CTSH: variants seen among roughly 807,000 people sequenced by gnomAD.
CTSH encodes the protein pro-cathepsin H.
A neutral mutation model predicts 56.3 loss-of-function variants in CTSH; 52 were observed. The ratio of observed to expected loss-of-function variants is 0.92; its 90% confidence interval spans 0.74 to 1.16. CTSH has a LOEUF of 1.16. CTSH is among the 50% of genes most tolerant of loss of function. The probability of loss-of-function intolerance (pLI) is 0.00; values close to 1 mark genes in which losing one functional copy is unlikely to be tolerated. For synonymous variants in CTSH, 174 were observed against 155.7 expected, an observed-to-expected ratio of 1.12 and a Z score of -0.88; for missense variants, 406 against 424.5, an observed-to-expected ratio of 0.96 and a Z score of 0.38.
At chr15:78,943,970 G>A (rs1048591598) in intron 1 of CTSH, among the ~76,000 whole-genome samples, 12 of 152,222 alleles carry the variant, frequency 7.9e-5, no homozygotes, top group Non-Finnish European at 4.4e-5. Flanking sequence ...AAGGAATGAG[G>A]CAACCCTCTG....
At chr15:78,938,270 G>A (rs573561797) in intron 2 of CTSH, among the ~76,000 whole-genome samples, 3 of 152,222 alleles carry the variant, frequency 2.0e-5, no homozygotes, top group East Asian at 1.9e-4. Flanking sequence ...TCAGGAGGCT[G>A]AGGCATGAGA....
At position 78,936,054 on chromosome 15, in the gene CTSH, G is replaced by A. The variant is rs79479542; in HGVS notation, c.230-304C>T. Among the ~76,000 whole-genome samples, 333 of 152,196 alleles carry A rather than the reference G, an allele frequency of 2.2e-3. 10 individuals are homozygous for A. In the East Asian group the frequency reaches 0.061, roughly 28 times the overall value. Reference sequence around the variant, plus strand: ...ACTTTTTTAGATACTCCCCTCGTGAGTCTGATGGATAGCTAGGTAAAGAAC... The same window carrying A: ...ACTTTTTTAGATACTCCCCTCGTGAATCTGATGGATAGCTAGGTAAAGAAC... On this transcript the variant is annotated intron_variant, in intron 3 of 11. Transcript: ENST00000220166.
Position 78,934,990 on chromosome 15 carries a change from A to T in CTSH, c.393T>A (p.Pro131=). The T allele has an allele frequency of 6.2e-7, 1 of 1,612,158 alleles. No individual in the cohort carries two copies. Residue 131 remains proline (P), a synonymous_variant, in exon 5 of 12, where the codon CCT becomes CCA. Transcript: ENST00000220166. ...TTGCCAGGCATACCTGATTTTTCACAGGTGAGACAAAATTTCCTTTTTTCC... is the reference window on the plus strand; with the variant it reads ...TTGCCAGGCATACCTGATTTTTCACTGGTGAGACAAAATTTCCTTTTTTCC... The part of the protein sequence containing the change: ...DWRKKGNFVS[P]VKNQGACGSC...
intron 5 of CTSH, chr15:78,933,668 G>A (rs888946003): frequency 6.6e-5 from 22 of 334,960 alleles, no homozygotes; most frequent in Non-Finnish European, 1.2e-4. Context: ...GAGCTCGGCT[G>A]ACCCTTGGGT....
At chr15:78,924,852 C>CT (rs10689092) in intron 10 of CTSH, among the ~76,000 whole-genome samples, 14,692 of 135,698 alleles carry the variant, frequency 0.11, 895 homozygotes, top group South Asian at 0.13. Context: ...ACCACGCTGG[C>CT]TTTTTTTTTT....
chr15:78,928,580 AAAAAAAAAAG>A (rs1416250048), intron 8 of CTSH, among the ~76,000 whole-genome samples: 4 of 150,160 alleles, frequency 2.7e-5, no homozygotes, highest in Non-Finnish European at 3.0e-5. Flanking sequence ...AAAAAAAAAA[AAAAAAAAAAG>A]AAGGGAGAGT....
intron 3 of CTSH, 41 bp from the exon 4 acceptor site, chr15:78,935,791 T>C (rs2055162149): frequency 6.9e-7 from 1 of 1,447,970 alleles, no homozygotes; most frequent in Non-Finnish European, 9.7e-7. Context: ...AAATGGTTAG[T>C]GAATCACTAA....
Position 78,938,368 on chromosome 15 carries a change from CA to C in CTSH, c.123+771del, listed in dbSNP as rs34359724. 2.6e-3 allele frequency among the ~76,000 whole-genome samples: 382 copies of C among 144,460 alleles called. 3 individuals carry two copies. The highest frequency in any genetic ancestry group is 6.7e-3 in the African/African-American group (265 of 39,630). The allele number at this position is 144,460 out of a possible 152,430, so 94.8% of individuals were successfully genotyped here. A position where few individuals can be genotyped will look rare whatever the true frequency, so the allele number is the denominator to read the frequency against. ...TGGGTGACAAAGTGAGACTCTGTCTCAAAAAAAAAAAAATATTTTGTACTCA... is the reference window on the plus strand; with the variant it reads ...TGGGTGACAAAGTGAGACTCTGTCTCAAAAAAAAAAAATATTTTGTACTCA... On this transcript the variant is annotated intron_variant, in intron 2 of 11. Transcript: ENST00000220166.
chr15:78,931,311 C>T (rs1414937806), intron 7 of CTSH, 140 bp downstream of exon 7: 5 of 1,053,700 alleles, frequency 4.7e-6, no homozygotes, highest in Non-Finnish European at 7.2e-6. Flanking sequence ...GGTGACCACC[C>T]CTGTACAACA....
rs1406363845 is a variant in CTSH, at chr15:78,939,187, A to AG, written c.92-17_92-16insC. 3.8e-6 allele frequency: 6 copies of AG among 1,591,520 alleles called. No homozygotes were observed. The highest frequency in any genetic ancestry group is 5.1e-6 in the Non-Finnish European group (6 of 1,169,272). ...TGAAACTTCTCTGTAAAAAGAAAAA[A>AG]AAAATTAGGTCTGGGCGCATCACAG... is the stretch of plus-strand genomic sequence containing the variant. On this transcript the variant is annotated splice_polypyrimidine_tract_variant and intron_variant, in intron 1 of 11. Coordinates refer to ENST00000220166, the MANE Select transcript of CTSH (RefSeq NM_004390.5).
At chr15:78,935,181 GAGAATA>G (rs1408104819) in intron 4 of CTSH, 99 bp from the exon 5 acceptor site, 4 of 813,574 alleles carry the variant, frequency 4.9e-6, no homozygotes, top group Non-Finnish European at 8.0e-6. Flanking sequence ...ATCACCAAGA[GAGAATA>G]AGAAAGGCTG....
intron 10 of CTSH, among the ~76,000 whole-genome samples, chr15:78,924,668 G>C (rs531022023): frequency 6.6e-6 from 1 of 150,528 alleles, no homozygotes; most frequent in Non-Finnish European, 1.5e-5. Context: ...CCTATTTTAC[G>C]TCTTCAAATC....
At chr15:78,936,683 G>A (rs1216326467) in intron 3 of CTSH, among the ~76,000 whole-genome samples, 1 of 151,642 alleles carries the variant, frequency 6.6e-6, no homozygotes, top group Admixed American at 6.6e-5. Flanking sequence ...AGGCTGGAGT[G>A]CAATGGCACT....
At chr15:78,929,210 G>A (rs1047879224) in intron 8 of CTSH, among the ~76,000 whole-genome samples, 1 of 152,038 alleles carries the variant, frequency 6.6e-6, no homozygotes, top group Non-Finnish European at 1.5e-5. Context: ...GGGTGAGAAT[G>A]ATAAAGAGGC....
At chr15:78,944,821 T>C (rs1450978639) in intron 1 of CTSH, 70 bp downstream of exon 1, 3 of 1,485,970 alleles carry the variant, frequency 2.0e-6, no homozygotes, top group Non-Finnish European at 2.7e-6. Flanking sequence ...AGTGCGCCCC[T>C]GGCCAAGTTC....
At chr15:78,930,230 T>G (rs1419904591) in intron 7 of CTSH, among the ~76,000 whole-genome samples, 2 of 152,164 alleles carry the variant, frequency 1.3e-5, no homozygotes, top group African/African-American at 4.8e-5. Context: ...GCAAATAGAC[T>G]CCTTTGAAAA....
chr15:78,932,533 C>T (rs1170207900), intron 5 of CTSH, 75 bp from the exon 6 acceptor site: 2 of 1,155,678 alleles, frequency 1.7e-6, no homozygotes, highest in African/African-American at 1.5e-5. Context: ...CTGCCTTCCT[C>T]TGCTGACCCT....
intron 1 of CTSH, among the ~76,000 whole-genome samples, chr15:78,941,724 A>T (rs1163263442): frequency 7.0e-6 from 1 of 143,638 alleles, no homozygotes. Context: ...TGAACCCGGG[A>T]GGCGGGGCTT....
intron 3 of CTSH, 183 bp downstream of exon 3, chr15:78,937,135 T>G (rs1466631696): frequency 1.8e-5 from 11 of 595,456 alleles, no homozygotes; most frequent in Non-Finnish European, 3.3e-5. Flanking sequence ...ACCGGCTTTG[T>G]CCCAAATTTA....
Sources: gnomAD v4.1 joint callset for allele counts (sites outside exome capture counted in the v4.1 genomes callset) on GRCh38, gnomAD v4.1.1 for gene constraint, MANE v1.5 for transcripts, NCBI Gene and HGNC (gene_info 2026-07-23, HGNC 2026-07-21) for gene names.